The following AP3B1 variants were observed in gnomAD, a reference collection of about 807,000 sequenced individuals.
The protein encoded by AP3B1 is AP-3 complex subunit beta-1.
Under a neutral mutation model 132.5 loss-of-function variants are expected in AP3B1, and 61 were observed. The ratio of observed to expected loss-of-function variants is 0.46; its 90% CI spans 0.37 to 0.57. The LOEUF (loss-of-function observed/expected upper bound fraction) is 0.57, where lower values mean the gene tolerates loss of function less well. Ranked by LOEUF, AP3B1 falls within the 20% of genes least tolerant of loss-of-function variation. The pLI is 0.00. For synonymous variants in AP3B1, 388 were observed against 438.3 expected, an observed-to-expected ratio of 0.89 and a Z score of 1.43; for missense variants, 1,120 against 1,289.4, an observed-to-expected ratio of 0.87 and a Z score of 2.01.
intron 23 of AP3B1, 59 bp downstream of exon 23, chr5:78,038,984 A>C: frequency 9.5e-7 from 1 of 1,057,542 alleles, no homozygotes; most frequent in Non-Finnish European, 1.4e-6. Context: ...TTTACTTTTA[A>C]AATGAACATA....
chr5:78,172,951 G>A (rs190614679), intron 11 of AP3B1, among the ~76,000 whole-genome samples: 171 of 152,216 alleles, frequency 1.1e-3, no homozygotes, highest in Non-Finnish European at 2.0e-3. Context: ...AGAGATTCTG[G>A]TATGTTGTGT....
intron 23 of AP3B1, among the ~76,000 whole-genome samples, chr5:78,037,360 C>T (rs1747850400): frequency 6.6e-6 from 1 of 151,902 alleles, no homozygotes; most frequent in Admixed American, 6.6e-5. Context: ...ACAATAATTC[C>T]TTGGCAATAT....
chr5:78,131,650 A>C (rs1179295755), intron 15 of AP3B1, among the ~76,000 whole-genome samples: 2 of 152,088 alleles, frequency 1.3e-5, no homozygotes, highest in African/African-American at 4.8e-5. Flanking sequence ...ACACAATATA[A>C]ATTTTTCTAA....
chr5:78,193,740 T>TATATATATATA (rs1561469382), intron 7 of AP3B1, among the ~76,000 whole-genome samples: 1 of 41,708 alleles, frequency 2.4e-5, no homozygotes, highest in Non-Finnish European at 5.8e-5. Context: ...TTGTATATAT[T>TATATATATATA]TTTTTATATA....
chr5:78,066,552 G>T (rs948514203), intron 22 of AP3B1, among the ~76,000 whole-genome samples: 1 of 152,102 alleles, frequency 6.6e-6, no homozygotes, highest in Non-Finnish European at 1.5e-5. Context: ...CAGACCAACC[G>T]GAGGAAAGAA....
chr5:78,232,110 G>A (rs973255453), intron 3 of AP3B1, among the ~76,000 whole-genome samples: 4 of 152,248 alleles, frequency 2.6e-5, no homozygotes, highest in Admixed American at 6.5e-5. Context: ...GATATTTCAC[G>A]ATAGGGGTGA....
At chr5:78,279,830 G>GTA (rs70997982) in intron 1 of AP3B1, among the ~76,000 whole-genome samples, 31,438 of 142,788 alleles carry the variant, frequency 0.22, 4,108 homozygotes, top group Middle Eastern at 0.31. Flanking sequence ...ATATAGGTGT[G>GTA]TATATATATA....
intron 21 of AP3B1, among the ~76,000 whole-genome samples, chr5:78,099,084 G>A (rs565113609): frequency 1.3e-5 from 2 of 152,294 alleles, no homozygotes; most frequent in African/African-American, 4.8e-5. Flanking sequence ...AGTGGTATGA[G>A]GGATGGTGTT....
intron 22 of AP3B1, among the ~76,000 whole-genome samples, chr5:78,053,828 T>A (rs1748694712): frequency 6.6e-6 from 1 of 152,206 alleles, no homozygotes; most frequent in African/African-American, 2.4e-5. Context: ...TTAGGTTCGT[T>A]TTACTCTGAG....
At chr5:78,252,247 C>T (rs577983285) in intron 2 of AP3B1, among the ~76,000 whole-genome samples, 4 of 152,148 alleles carry the variant, frequency 2.6e-5, no homozygotes, top group Admixed American at 6.5e-5. Context: ...AGGTGAGACT[C>T]AGCACATTCC....
intron 17 of AP3B1, among the ~76,000 whole-genome samples, chr5:78,124,988 T>C (rs1002798343): frequency 2.0e-5 from 3 of 152,164 alleles, no homozygotes; most frequent in East Asian, 1.9e-4. Context: ...TTAATTTGTA[T>C]TGTGGTCCTT....
At chr5:78,024,561 A>ATT (rs70997962) in intron 24 of AP3B1, among the ~76,000 whole-genome samples, 14,813 of 113,422 alleles carry the variant, frequency 0.13, 1,388 homozygotes, top group Non-Finnish European at 0.19. Flanking sequence ...AGCTAATTTA[A>ATT]TTTTTTTTTT....
At chr5:78,084,572 A>T (rs571817298) in intron 22 of AP3B1, among the ~76,000 whole-genome samples, 3 of 151,046 alleles carry the variant, frequency 2.0e-5, no homozygotes, top group Non-Finnish European at 4.4e-5. Context: ...GGAAGAGGAA[A>T]AGGAAAAGGA....
At chr5:78,192,206 A>G (rs1289896037) in intron 7 of AP3B1, among the ~76,000 whole-genome samples, 2 of 152,132 alleles carry the variant, frequency 1.3e-5, no homozygotes, top group Admixed American at 1.3e-4. Flanking sequence ...AAATAAGCAT[A>G]CAAGAAAAAA....
intron 7 of AP3B1, among the ~76,000 whole-genome samples, chr5:78,188,365 A>G (rs2112427668): frequency 6.6e-6 from 1 of 152,342 alleles, no homozygotes; most frequent in East Asian, 1.9e-4. Flanking sequence ...AGAACCTACA[A>G]GAAACTTAAG....
At chr5:78,057,157 C>T (rs1222594746) in intron 22 of AP3B1, among the ~76,000 whole-genome samples, 2 of 152,146 alleles carry the variant, frequency 1.3e-5, no homozygotes, top group African/African-American at 2.4e-5. Flanking sequence ...CGAGATTTCC[C>T]ACGGCATGAA....
intron 7 of AP3B1, among the ~76,000 whole-genome samples, chr5:78,191,934 C>T (rs779944532): frequency 3.3e-5 from 5 of 152,080 alleles, no homozygotes; most frequent in Non-Finnish European, 7.4e-5. Context: ...GATCTCGGCT[C>T]ACTGCAACCT....
intron 7 of AP3B1, among the ~76,000 whole-genome samples, chr5:78,214,854 A>G (rs1745891229): frequency 1.3e-5 from 2 of 152,202 alleles, no homozygotes; most frequent in Non-Finnish European, 2.9e-5. Context: ...ATTATGTAAC[A>G]TAAGACTTAC....
At chr5:78,009,717 T>C (rs376853078) in intron 26 of AP3B1, among the ~76,000 whole-genome samples, 193 of 141,506 alleles carry the variant, frequency 1.4e-3, no homozygotes, top group East Asian at 7.7e-3. Context: ...TGGTAAAAGC[T>C]TGCAAATTTA....
Sources: allele counts gnomAD v4.1 joint callset (sites outside exome capture counted in the v4.1 genomes callset), GRCh38; gene constraint gnomAD v4.1.1; transcripts MANE v1.5; gene names NCBI Gene and HGNC (gene_info 2026-07-23, HGNC 2026-07-21).